Variants in SMARCAD1 observed in about 807,000 individuals in gnomAD.
SMARCAD1 encodes the protein SNF2 related chromatin remodeling ATPase with DExD box 1, also known as SWI/SNF-related matrix-associated actin-dependent regulator of chromatin subfamily A containing DEAD/H box 1.
In SMARCAD1, 25 loss-of-function variants were observed where a neutral mutation model predicts 127.1. The ratio of observed to expected loss-of-function variants is 0.20; its 90% CI spans 0.14 to 0.27. The LOEUF (loss-of-function observed/expected upper bound fraction) is 0.27, where lower values mean the gene tolerates loss of function less well. Ranked by LOEUF, SMARCAD1 falls within the 10% of genes least tolerant of loss-of-function variation. The pLI is 1.00. For synonymous variants in SMARCAD1, 400 were observed against 396.9 expected, an observed-to-expected ratio of 1.01 and a Z score of -0.09; for missense variants, 807 against 1,206.0, an observed-to-expected ratio of 0.67 and a Z score of 4.90.
chr4:94,250,185 CAG>C (rs954362785), intron 7 of SMARCAD1, among the ~76,000 whole-genome samples: 2 of 151,654 alleles, frequency 1.3e-5, no homozygotes, highest in Non-Finnish European at 2.9e-5. Flanking sequence ...AGAATGTTTT[CAG>C]AGTCATTAAA....
chr4:94,240,507 G>C (rs548461633), intron 5 of SMARCAD1, among the ~76,000 whole-genome samples: 1 of 152,290 alleles, frequency 6.6e-6, no homozygotes, highest in African/African-American at 2.4e-5. Context: ...CTGGTACATA[G>C]TAGACTCAGA....
intron 14 of SMARCAD1, among the ~76,000 whole-genome samples, chr4:94,275,180 A>G (rs1163643885): frequency 6.6e-6 from 1 of 152,210 alleles, no homozygotes; most frequent in Non-Finnish European, 1.5e-5. Flanking sequence ...AATGGTGACT[A>G]TAAAAAGGTT....
intron 6 of SMARCAD1, among the ~76,000 whole-genome samples, chr4:94,244,656 A>G (rs114580066): frequency 0.01 from 1,593 of 152,192 alleles, 24 homozygotes; most frequent in African/African-American, 0.036. Flanking sequence ...TTTGAGGTTC[A>G]TGTCAGGTAT....
chr4:94,214,321 G>T (rs1464190306), intron 2 of SMARCAD1, among the ~76,000 whole-genome samples: 1 of 148,262 alleles, frequency 6.7e-6, no homozygotes, highest in Non-Finnish European at 1.5e-5. Context: ...GGAGTGCAGT[G>T]GCGCAATCTC....
rs1213726146 is a variant in SMARCAD1 at position 94,289,649 on chromosome 4, A to G, written c.*115A>G. 8.7e-6 allele frequency: 9 copies of G among 1,031,126 alleles called. No individual in the cohort carries two copies. Among genetic ancestry groups the G allele is most frequent in the African/African-American group, 1.6e-5 (1 of 63,496 alleles). 63.9% of individuals were successfully genotyped at this position (1,031,126 alleles called of 1,614,324 possible). On this transcript the variant is annotated 3_prime_UTR_variant, in exon 24 of 24. Transcript: ENST00000354268. The stretch of plus-strand genomic sequence containing the variant: ...ACATTTATAACTTTTTATAATTTCC[A>G]TATTACATTTCTCATAGTATGGACA...
At chr4:94,287,447 A>AG (rs990008007) in intron 23 of SMARCAD1, among the ~76,000 whole-genome samples, 2 of 152,182 alleles carry the variant, frequency 1.3e-5, no homozygotes, top group Non-Finnish European at 2.9e-5. Flanking sequence ...AAACTATGAA[A>AG]GGTAAAGACC....
At position 94,289,360 on chromosome 4, in the gene SMARCAD1, A is replaced by G. The variant is rs1755401508; in HGVS notation, c.3020-113A>G. Reference sequence around the variant, plus strand: ...ACAGGGGTGAGTGACACTGAAGCAAACTAGCCCTTGAAAGATGAGTAAGAA... The same window carrying G: ...ACAGGGGTGAGTGACACTGAAGCAAGCTAGCCCTTGAAAGATGAGTAAGAA... On this transcript the variant is annotated intron_variant, in intron 23 of 23. Coordinates refer to ENST00000354268, the MANE Select transcript of SMARCAD1 (RefSeq NM_020159.5). The G allele has an allele frequency of 1.6e-5, 15 of 939,996 alleles. No individual in the cohort carries two copies. In the South Asian group the frequency reaches 2.1e-4, roughly 13 times the overall value. The allele number at this position is 939,996 out of a possible 1,614,324, so 58.2% of individuals were successfully genotyped here. A position where few individuals can be genotyped will look rare whatever the true frequency, so the allele number is the denominator to read the frequency against.
At chr4:94,274,854 A>G (rs1175632444) in intron 13 of SMARCAD1, 36 bp from the exon 14 acceptor site, 2 of 1,602,954 alleles carry the variant, frequency 1.2e-6, no homozygotes, top group Non-Finnish European at 1.7e-6. Flanking sequence ...GTACAGCACA[A>G]TAAATAGTCA....
At chr4:94,250,864 C>G in intron 8 of SMARCAD1, 31 bp downstream of exon 8, 1 of 1,497,330 alleles carries the variant, frequency 6.7e-7, no homozygotes, top group Non-Finnish European at 9.3e-7. Context: ...AAAATACATA[C>G]TTCTCATTAT....
intron 4 of SMARCAD1, among the ~76,000 whole-genome samples, chr4:94,236,694 A>T (rs1746708394): frequency 6.6e-6 from 1 of 152,156 alleles, no homozygotes; most frequent in Non-Finnish European, 1.5e-5. Flanking sequence ...AATACTGTAT[A>T]TATGTGATTG....
chr4:94,284,326 C>CAAAAAAA (rs1161926658), intron 22 of SMARCAD1, among the ~76,000 whole-genome samples: 126 of 25,804 alleles, frequency 4.9e-3, no homozygotes, highest in Non-Finnish European at 6.4e-3. Context: ...GACTCCGTCT[C>CAAAAAAA]AAAAAAAAAA....
At position 94,291,253 on chromosome 4, in the gene SMARCAD1, T is replaced by C. The variant is rs1195811556; in HGVS notation, c.*1719T>C. 1 of 453,578 alleles carries C rather than the reference T, an allele frequency of 2.2e-6. No homozygotes were observed. Among genetic ancestry groups the C allele is most frequent in the Non-Finnish European group, 4.4e-6 (1 of 226,706 alleles). 28.1% of individuals were successfully genotyped at this position (453,578 alleles called of 1,614,324 possible). On this transcript the variant is annotated 3_prime_UTR_variant, in exon 24 of 24. Coordinates refer to ENST00000354268, the MANE Select transcript of SMARCAD1 (RefSeq NM_020159.5). ...TAGTTGGGTTCTTCCTGTAATGCGCTATTATGTCTTGGGCTTAATAAAAAT... is the reference window on the plus strand; with the variant it reads ...TAGTTGGGTTCTTCCTGTAATGCGCCATTATGTCTTGGGCTTAATAAAAAT...
Position 94,278,533 on chromosome 4 carries a change from A to G in SMARCAD1, c.2178+16A>G. The stretch of plus-strand genomic sequence containing the variant: ...AAAAGAAGAGGTAATGCATATCTAC[A>G]TGTTTTTTATTTTTATTGTTTTTAA... On this transcript the variant is annotated intron_variant, in intron 17 of 23. Transcript: ENST00000354268. 6.2e-7 allele frequency: 1 copy of G among 1,608,380 alleles called. No homozygotes were observed. The highest frequency in any genetic ancestry group is 8.5e-7 in the Non-Finnish European group (1 of 1,175,206).
chr4:94,269,516 T>TA (rs1219326284), intron 10 of SMARCAD1, among the ~76,000 whole-genome samples: 2 of 152,036 alleles, frequency 1.3e-5, no homozygotes, highest in Non-Finnish European at 2.9e-5. Flanking sequence ...TTTTATCTGT[T>TA]AAAGTGATGA....
At chr4:94,223,451 C>T (rs567503247) in intron 2 of SMARCAD1, among the ~76,000 whole-genome samples, 3 of 152,014 alleles carry the variant, frequency 2.0e-5, no homozygotes, top group Non-Finnish European at 4.4e-5. Context: ...TGAGATCACG[C>T]CACTGTACTC....
chr4:94,230,457 TATTC>T (rs1745669117), intron 3 of SMARCAD1, among the ~76,000 whole-genome samples: 1 of 152,204 alleles, frequency 6.6e-6, no homozygotes, highest in South Asian at 2.1e-4. Flanking sequence ...TTCCTTATTT[TATTC>T]ATTCATTCCC....
intron 9 of SMARCAD1, among the ~76,000 whole-genome samples, chr4:94,261,906 G>A (rs1354922329): frequency 2.0e-5 from 3 of 152,094 alleles, no homozygotes; most frequent in East Asian, 1.9e-4. Context: ...CACCACAACC[G>A]GCCAGTTTAT....
rs563260570 is a variant in SMARCAD1, at chr4:94,274,800, A to G, written c.1732+3A>G. 1.7e-5 allele frequency: 28 copies of G among 1,613,652 alleles called. No homozygotes were observed. In the South Asian group the frequency reaches 2.6e-4, roughly 15 times the overall value. On this transcript the variant is annotated splice_donor_region_variant and intron_variant, in intron 13 of 23. Coordinates refer to ENST00000354268, the MANE Select transcript of SMARCAD1 (RefSeq NM_020159.5). ...TTTGAAGGTCCTCTGTTACTATGGT[A>G]AGAATATGTCATTCTGCTTTTAACT...
At chr4:94,226,385 T>TG in intron 3 of SMARCAD1, 89 bp downstream of exon 3, 2 of 967,084 alleles carry the variant, frequency 2.1e-6, no homozygotes, top group East Asian at 5.3e-5. Flanking sequence ...TTTGGTGACT[T>TG]CCCTTTTTTT....
Sources: allele counts gnomAD v4.1 joint callset (sites outside exome capture counted in the v4.1 genomes callset), GRCh38; gene constraint gnomAD v4.1.1; transcripts MANE v1.5; gene names NCBI Gene and HGNC (gene_info 2026-07-23, HGNC 2026-07-21).